The following CD5L variants were observed in gnomAD, a reference collection of about 807,000 sequenced individuals.
The protein encoded by CD5L is CD5 antigen-like.
Under a neutral mutation model 40.8 loss-of-function variants are expected in CD5L, and 39 were observed. The observed-to-expected ratio is 0.96, with a 90% CI of 0.74 to 1.25. The LOEUF is 1.25. Among genes scored for constraint, CD5L ranks in the 50% most tolerant of loss-of-function variants. The probability of loss-of-function intolerance (pLI) is 0.00; values close to 1 mark genes in which losing one functional copy is unlikely to be tolerated. For synonymous variants in CD5L, 192 were observed against 169.6 expected, an observed-to-expected ratio of 1.13 and a Z score of -1.03; for missense variants, 433 against 435.9, an observed-to-expected ratio of 0.99 and a Z score of 0.06.
rs1394191793 is a variant in CD5L at position 157,836,050 on chromosome 1, T to C, written c.161A>G (p.Asp54Gly). 4.3e-6 allele frequency: 7 copies of C among 1,613,990 alleles called. No homozygotes were observed. Among genetic ancestry groups the C allele is most frequent in the Non-Finnish European group, 5.1e-6 (6 of 1,180,040 alleles). ...QWGTVCDDGW[D>G]IKDVAVLCRE... Reference sequence around the variant, plus strand: ...GCACAACACAGCCACGTCCTTAATGTCCCAGCCGTCATCACACACGGTGCC... The same window carrying C: ...GCACAACACAGCCACGTCCTTAATGCCCCAGCCGTCATCACACACGGTGCC... Residue 54 changes from aspartate to glycine, a missense_variant, in exon 3 of 6, where the codon GAC becomes GGC. Asp to Gly is a moderately conservative substitution (Grantham distance 94). Transcript: ENST00000368174.
At chr1:157,830,048 AC>A (rs1466480544), downstream of CD5L, among the ~76,000 whole-genome samples, 1 of 152,100 alleles carries the variant, frequency 6.6e-6, no homozygotes, top group African/African-American at 2.4e-5. Flanking sequence ...TTCCCCTGCT[AC>A]CTTTTAAATA....
At chr1:157,828,695 T>C (rs1285851313), downstream of CD5L, among the ~76,000 whole-genome samples, 1 of 152,246 alleles carries the variant, frequency 6.6e-6, no homozygotes, top group African/African-American at 2.4e-5. Context: ...CTTTCTCTCC[T>C]ACTAACCTTC....
Position 157,839,284 on chromosome 1 carries a change from G to C in CD5L, c.55+100C>G, listed in dbSNP as rs926413972. On this transcript the variant is annotated intron_variant, in intron 2 of 5. Transcript: ENST00000368174. The stretch of plus-strand genomic sequence containing the variant: ...GGAAGCCAGAAAGGAAGTCTGCTGG[G>C]CCTGTTTTGAACAAGTCTTTCTCTG... The C allele has an allele frequency of 6.2e-6, 7 of 1,125,886 alleles. No individual in the cohort carries two copies. In the African/African-American group the frequency reaches 1.1e-4, roughly 17 times the overall value. The allele number at this position is 1,125,886 out of a possible 1,614,324, so 69.7% of individuals were successfully genotyped here. A position where few individuals can be genotyped will look rare whatever the true frequency, so the allele number is the denominator to read the frequency against.
In CD5L at chr1:157,835,840, C is replaced by T; in HGVS notation, c.371G>A (p.Cys124Tyr). ...CSHDEDAGAS[C>Y]ENPESSFSPV... ...GGGACCCCTGCCATACTCACTCTCA[C>T]ACGATGCCCCAGCATCTTCATCATG... The change falls in exon 3 of 6, where the codon TGT becomes TAT. Residue 124 changes from cysteine (C) to tyrosine (Y), a missense_variant. Transcript: ENST00000368174. 1 of 1,609,632 alleles carries T rather than the reference C, an allele frequency of 6.2e-7. No individual in the cohort carries two copies. Among genetic ancestry groups the T allele is most frequent in the Non-Finnish European group, 8.5e-7 (1 of 1,177,924 alleles).
intron 2 of CD5L, among the ~76,000 whole-genome samples, chr1:157,836,574 T>C (rs1223590409): frequency 6.6e-6 from 1 of 152,188 alleles, no homozygotes; most frequent in African/African-American, 2.4e-5. Context: ...TATGGCTACA[T>C]TGTCCAAAAG....
rs201528005 is a variant in CD5L at position 157,833,207 on chromosome 1, C to T, written c.1024G>A (p.Ala342Thr). 2.5e-6 allele frequency: 4 copies of T among 1,613,174 alleles called. No individual in the cohort carries two copies. Among genetic ancestry groups the T allele is most frequent in the Non-Finnish European group, 2.5e-6 (3 of 1,179,384 alleles). ...TAGGACTCACCTGAGCAGATGACAG[C>T]CACATCTTCCTGGTGGGTGCAGTCG... Reference protein sequence around the residue: ...FHDCTHQEDVAVICSG With the variant: ...FHDCTHQEDVTVICSG Residue 342 changes from alanine (A) to threonine (T), a missense_variant, in exon 5 of 6, where the codon GCT (alanine) becomes ACT (threonine). Ala to Thr is a moderately conservative substitution (Grantham distance 58). Coordinates refer to ENST00000368174, the MANE Select transcript of CD5L (RefSeq NM_005894.3).
At chr1:157,832,412 T>A (rs952104426) in intron 5 of CD5L, among the ~76,000 whole-genome samples, 11 of 152,320 alleles carry the variant, frequency 7.2e-5, no homozygotes, top group Admixed American at 4.6e-4. Context: ...TGGTCAACTA[T>A]CAGTTCTTAT....
chr1:157,840,525 A>G (rs1656341531), intron 1 of CD5L, among the ~76,000 whole-genome samples: 1 of 152,134 alleles, frequency 6.6e-6, no homozygotes, highest in East Asian at 1.9e-4. Flanking sequence ...CATTACCCTC[A>G]TTCCCTTAAT....
Position 157,841,713 on chromosome 1 carries a change from G to A in CD5L, c.-12C>T. 1.2e-6 allele frequency: 2 copies of A among 1,612,854 alleles called. No homozygotes were observed. Among genetic ancestry groups the A allele is most frequent in the Middle Eastern group, 3.3e-4 (2 of 6,060 alleles). On this transcript the variant is annotated 5_prime_UTR_variant, in exon 1 of 6. Transcript: ENST00000368174. Reference sequence around the variant, plus strand: ...AATAGCAGAGCCATGACCAAGGCAGGTGAAGGTGATGAGCTGAAATTTAAG... The same window carrying A: ...AATAGCAGAGCCATGACCAAGGCAGATGAAGGTGATGAGCTGAAATTTAAG...
chr1:157,838,763 C>T (rs939347511), intron 2 of CD5L, among the ~76,000 whole-genome samples: 4 of 152,048 alleles, frequency 2.6e-5, no homozygotes, highest in African/African-American at 9.7e-5. Context: ...CTGCCCCTCT[C>T]TGGTAAAGTC....
downstream of CD5L, among the ~76,000 whole-genome samples, chr1:157,829,973 G>A (rs1318251407): frequency 2.0e-5 from 3 of 152,018 alleles, no homozygotes; most frequent in South Asian, 2.1e-4. Context: ...GGCTTCCTCC[G>A]GTTCTCTGAT....
chr1:157,838,200 A>G (rs192326895), intron 2 of CD5L, among the ~76,000 whole-genome samples: 1 of 152,370 alleles, frequency 6.6e-6, no homozygotes, highest in African/African-American at 2.4e-5. Flanking sequence ...AGAGATAGCA[A>G]TTAAAAGTTA....
downstream of CD5L, among the ~76,000 whole-genome samples, chr1:157,828,050 A>C (rs1239760073): frequency 2.0e-5 from 3 of 152,206 alleles, no homozygotes; most frequent in Admixed American, 2.0e-4. Flanking sequence ...ACTCAAATTA[A>C]CCTTTGATGG....
At chr1:157,828,311 C>G (rs1655957360), downstream of CD5L, among the ~76,000 whole-genome samples, 1 of 152,168 alleles carries the variant, frequency 6.6e-6, no homozygotes, top group South Asian at 2.1e-4. Context: ...ATACATACCT[C>G]CTTCTTGAAA....
Position 157,831,925 on chromosome 1 carries a change from G to A in CD5L, c.*39C>T. On this transcript the variant is annotated 3_prime_UTR_variant, in exon 6 of 6. Transcript: ENST00000368174. Reference sequence around the variant, plus strand: ...GGCTCAGGAGAACAAGCAGAGGGCAGGCGGGGCCAGGGGGGCCAGGTCAAG... The same window carrying A: ...GGCTCAGGAGAACAAGCAGAGGGCAAGCGGGGCCAGGGGGGCCAGGTCAAG... 6.4e-7 allele frequency: 1 copy of A among 1,560,516 alleles called. No individual in the cohort carries two copies. The highest frequency in any genetic ancestry group is 8.6e-7 in the Non-Finnish European group (1 of 1,158,258).
chr1:157,833,120 A>C, intron 5 of CD5L, 72 bp downstream of exon 5: 1 of 1,199,780 alleles, frequency 8.3e-7, no homozygotes, highest in Non-Finnish European at 1.2e-6. Flanking sequence ...TCCCCAGAGT[A>C]CACCCCCATC....
downstream of CD5L, among the ~76,000 whole-genome samples, chr1:157,828,199 G>T (rs1386594099): frequency 6.6e-6 from 1 of 152,098 alleles, no homozygotes; most frequent in Non-Finnish European, 1.5e-5. Flanking sequence ...AGGACAGTGG[G>T]ACCTCAGAAG....
In CD5L at chr1:157,839,392, C is replaced by G; in HGVS notation, c.47G>C (p.Gly16Ala). ...ACCCCCAAAAATCTTACCTAGGAAT[C>G]CAGGTCTGGTGCAAATGGCTGGGGA... Reference protein sequence around the residue: ...SLILAICTRPGFLASPSGVRL... With the variant: ...SLILAICTRPAFLASPSGVRL... Residue 16 changes from glycine (G) to alanine (A), a missense_variant, in exon 2 of 6, where the codon GGA (glycine) becomes GCA (alanine). By Grantham distance (60) the Gly-to-Ala change is moderately conservative. Coordinates refer to ENST00000368174, the MANE Select transcript of CD5L (RefSeq NM_005894.3). 1 of 1,613,600 alleles carries G rather than the reference C, an allele frequency of 6.2e-7. No homozygotes were observed. Among genetic ancestry groups the G allele is most frequent in the Non-Finnish European group, 8.5e-7 (1 of 1,179,846 alleles).
intron 1 of CD5L, among the ~76,000 whole-genome samples, chr1:157,840,381 C>G (rs915406662): frequency 6.6e-6 from 1 of 152,146 alleles, no homozygotes; most frequent in African/African-American, 2.4e-5. Context: ...AAACACCCAC[C>G]ACCCCCATCT....
Sources: allele counts gnomAD v4.1 joint callset (sites outside exome capture counted in the v4.1 genomes callset), GRCh38; gene constraint gnomAD v4.1.1; transcripts MANE v1.5; gene names NCBI Gene and HGNC (gene_info 2026-07-23, HGNC 2026-07-21).